The following POLE3 variants were observed in gnomAD, a reference collection of about 807,000 sequenced individuals.
POLE3 encodes DNA polymerase epsilon subunit 3.
A neutral mutation model predicts 16.1 loss-of-function variants in POLE3; 10 were observed. That is an observed-to-expected ratio of 0.62 (90% confidence interval 0.38 to 1.05). The LOEUF (loss-of-function observed/expected upper bound fraction) is 1.05. POLE3 is among the 50% of genes least tolerant of loss of function. The probability of loss-of-function intolerance (pLI) is 0.01; values close to 1 mark genes in which losing one functional copy is unlikely to be tolerated. For missense variants in POLE3, 169 were observed against 185.0 expected (o/e 0.91, Z 0.50); for synonymous variants, 83 against 71.0 (o/e 1.17, Z -0.85).
chr9:113,409,004 G>C, intron 4 of POLE3, 21 bp from the exon 5 acceptor site: 1 of 1,610,044 alleles, frequency 6.2e-7, no homozygotes, highest in Non-Finnish European at 8.5e-7. Flanking sequence ...GGAACAAGGG[G>C]TTAGGAGACA....
At position 113,408,011 on chromosome 9, in the gene POLE3, A is replaced by G. The variant is rs1827975928; in HGVS notation, c.*800T>C. The G allele has an allele frequency of 6.5e-6, 1 of 152,798 alleles. No homozygotes were observed. Among genetic ancestry groups the G allele is most frequent in the Non-Finnish European group, 1.5e-5 (1 of 68,056 alleles). The allele number at this position is 152,798 out of a possible 1,614,324, so 9.5% of individuals were successfully genotyped here. A position where few individuals can be genotyped will look rare whatever the true frequency, so the allele number is the denominator to read the frequency against. On this transcript the variant is annotated 3_prime_UTR_variant, in exon 5 of 5. Transcript: ENST00000374171. ...AAGAAGAGGAAGCCTGGGGTTTTACACCTTCCGGGAGGTGATGACAAATCC... is the reference window on the plus strand; with the variant it reads ...AAGAAGAGGAAGCCTGGGGTTTTACGCCTTCCGGGAGGTGATGACAAATCC...
Position 113,408,727 on chromosome 9 carries a change from C to G in POLE3, c.*84G>C, listed in dbSNP as rs1056326298. The G allele has an allele frequency of 7.7e-6, 9 of 1,162,754 alleles. No individual in the cohort carries two copies. In the African/African-American group the frequency reaches 1.4e-4, roughly 18 times the overall value. The allele number at this position is 1,162,754 out of a possible 1,614,324, so 72.0% of individuals were successfully genotyped here. ...GCACTTTTGCCTGAGACTACTCTGC[C>G]CAGCATGGAAAAGCTTCACAGAAAC... On this transcript the variant is annotated 3_prime_UTR_variant, in exon 5 of 5. Coordinates refer to ENST00000374171, the MANE Select transcript of POLE3 (RefSeq NM_017443.5).
In POLE3 at chr9:113,409,750, C is replaced by T. The variant is rs568285835; in HGVS notation, c.153-22G>A. ...AGCACTGAGAGAAGAGAAAGGCTGT[C>T]AGACTCCCTCTTGTTTGTAAGGCGT... On this transcript the variant is annotated intron_variant, in intron 3 of 4. Transcript: ENST00000374171. 2.0e-5 allele frequency: 29 copies of T among 1,462,368 alleles called. No homozygotes were observed. In the East Asian group the frequency reaches 6.1e-4, roughly 31 times the overall value. The allele number at this position is 1,462,368 out of a possible 1,614,324, so 90.6% of individuals were successfully genotyped here. A position where few individuals can be genotyped will look rare whatever the true frequency, so the allele number is the denominator to read the frequency against.
rs1222038133 is a variant in POLE3, at chr9:113,410,417, T to C, written c.-115-9A>G. 1.2e-6 allele frequency: 1 copy of C among 842,352 alleles called. No homozygotes were observed. The highest frequency in any genetic ancestry group is 2.7e-5 in the East Asian group (1 of 37,410). The allele number at this position is 842,352 out of a possible 1,614,324, so 52.2% of individuals were successfully genotyped here. On this transcript the variant is annotated splice_polypyrimidine_tract_variant and intron_variant, in intron 1 of 4. Transcript: ENST00000374171. ...GTTCCGCCCCACGTGGCCTACAGTG[T>C]CCCACAGTGCTCTGAGCGCCATAGC...
chr9:113,408,022 G>A lies in POLE3; in HGVS notation c.*789C>T, dbSNP rs562846124. 1 of 152,744 alleles carries A rather than the reference G, an allele frequency of 6.5e-6. No homozygotes were observed. The highest frequency in any genetic ancestry group is 2.1e-4 in the South Asian group (1 of 4,824). The allele number at this position is 152,744 out of a possible 1,614,324, so 9.5% of individuals were successfully genotyped here. A position where few individuals can be genotyped will look rare whatever the true frequency, so the allele number is the denominator to read the frequency against. ...GCCTGGGGTTTTACACCTTCCGGGA[G>A]GTGATGACAAATCCTAAAGCTGTAC... On this transcript the variant is annotated 3_prime_UTR_variant, in exon 5 of 5. Transcript: ENST00000374171.
rs1247789020 is a variant in POLE3, at chr9:113,410,320, T to A, written c.-27A>T. 9 of 1,606,056 alleles carry A rather than the reference T, an allele frequency of 5.6e-6. No homozygotes were observed. Among genetic ancestry groups the A allele is most frequent in the Non-Finnish European group, 7.7e-6 (9 of 1,175,790 alleles). ...GCCGCCGCTGGGGCTTAAACTCCCC[T>A]TCGCCTCCGCTTCAGGGAGCTACTG... On this transcript the variant is annotated 5_prime_UTR_variant, in exon 2 of 5. It adds an upstream start codon to the 5' untranslated region. Coordinates refer to ENST00000374171, the MANE Select transcript of POLE3 (RefSeq NM_017443.5).
In POLE3 at chr9:113,410,115, T is replaced by G. The variant is rs1354966414; in HGVS notation, c.92A>C (p.Lys31Thr). 6 of 1,594,030 alleles carry G rather than the reference T, an allele frequency of 3.8e-6. No homozygotes were observed. The highest frequency in any genetic ancestry group is 5.1e-6 in the Non-Finnish European group (6 of 1,170,926). Residue 31 changes from lysine to threonine, a missense_variant, in exon 3 of 5, where the codon AAG becomes ACG. Lys to Thr is a moderately conservative substitution (Grantham distance 78). Transcript: ENST00000374171. ...GCGGGAGATGGCGCTCCGGGCCTCC[T>G]TGGAGATGTTGACACCGTCCGGGAG... ...EALPDGVNISKEARSAISRAA... is the reference protein window; with the variant it reads ...EALPDGVNISTEARSAISRAA...
intron 1 of POLE3, 64 bp from the exon 2 acceptor site, chr9:113,410,472 G>T (rs943411597): frequency 1.2e-4 from 73 of 616,762 alleles, no homozygotes; most frequent in African/African-American, 1.1e-3. Flanking sequence ...CCCCGCCTCC[G>T]CCTCAAATAC....
Position 113,408,675 on chromosome 9 carries a change from A to C in POLE3, c.*136T>G, listed in dbSNP as rs1827987651. On this transcript the variant is annotated 3_prime_UTR_variant, in exon 5 of 5. Transcript: ENST00000374171. ...AAGTGCTGGTTTTGACGGTATTTCT[A>C]GTCAGTTTTTATTCTGATCTTTTCA... 1 of 691,402 alleles carries C rather than the reference A, an allele frequency of 1.4e-6. No individual in the cohort carries two copies. The highest frequency in any genetic ancestry group is 1.8e-5 in the African/African-American group (1 of 56,270). The allele number at this position is 691,402 out of a possible 1,614,324, so 42.8% of individuals were successfully genotyped here. A position where few individuals can be genotyped will look rare whatever the true frequency, so the allele number is the denominator to read the frequency against.
rs148850960 is a variant in POLE3, at chr9:113,410,066, G to A, written c.141C>T (p.Tyr47=). ...ISRAASVFVL[Y]ATSCANNFAM... ...TCTGTCCCGCTCACCAGGATGTGGC[G>A]TACAGCACGAAGACGCTGGCGGCGC... is the stretch of plus-strand genomic sequence containing the variant. The change falls in exon 3 of 5, where the codon TAC becomes TAT. Residue 47 remains tyrosine (Y), a synonymous_variant. Transcript: ENST00000374171. 2.6e-6 allele frequency: 4 copies of A among 1,568,106 alleles called. No homozygotes were observed. In the African/African-American group the frequency reaches 4.0e-5, roughly 16 times the overall value.
chr9:113,409,589 A>T, intron 4 of POLE3, 21 bp downstream of exon 4: 2 of 1,391,176 alleles, frequency 1.4e-6, no homozygotes, highest in Non-Finnish European at 2.0e-6. Flanking sequence ...TATGTGGTTT[A>T]GAAGACAAGA....
In POLE3 at chr9:113,407,725, G is replaced by C. The variant is rs560691308; in HGVS notation, c.*1086C>G. On this transcript the variant is annotated 3_prime_UTR_variant, in exon 5 of 5. Coordinates refer to ENST00000374171, the MANE Select transcript of POLE3 (RefSeq NM_017443.5). ...AGACTCCATCTCTTAAAAACAAAAC[G>C]TGAGATTAGAACTAAGGAATCAAGA... The C allele has an allele frequency of 2.6e-5, 4 of 152,300 alleles. No homozygotes were observed. The South Asian group carries it at 8.3e-4, about 32-fold the overall frequency. 9.4% of individuals were successfully genotyped at this position (152,300 alleles called of 1,614,324 possible).
chr9:113,409,604 C>T lies in POLE3; in HGVS notation c.271+6G>A, dbSNP rs1341104587. The T allele has an allele frequency of 2.6e-6, 4 of 1,528,352 alleles. No homozygotes were observed. The highest frequency in any genetic ancestry group is 2.7e-5 in the African/African-American group (2 of 73,308). 94.7% of individuals were successfully genotyped at this position (1,528,352 alleles called of 1,614,324 possible). A position where few individuals can be genotyped will look rare whatever the true frequency, so the allele number is the denominator to read the frequency against. On this transcript the variant is annotated splice_donor_region_variant and intron_variant, in intron 4 of 4. Coordinates refer to ENST00000374171, the MANE Select transcript of POLE3 (RefSeq NM_017443.5). ...TATGTGGTTTAGAAGACAAGAGGCT[C>T]GTTACCTTCCAGAGCTTCTTTCAAT...
chr9:113,409,775 T>A (rs755528650), intron 3 of POLE3, 47 bp from the exon 4 acceptor site: 2 of 1,293,170 alleles, frequency 1.5e-6, no homozygotes, highest in Non-Finnish European at 1.1e-6. Context: ...TTGTAAGGCG[T>A]GAGTGGGAAA....
Position 113,409,633 on chromosome 9 carries a change from G to A in POLE3, c.248C>T (p.Thr83Ile), listed in dbSNP as rs1284905253. Residue 83 changes from threonine to isoleucine, a missense_variant, in exon 4 of 5, where the codon ACC (threonine) becomes ATC (isoleucine). Coordinates refer to ENST00000374171, the MANE Select transcript of POLE3 (RefSeq NM_017443.5). ...MEEMEFQRFV[T>I]PLKEALEAYR... ...ACCTTCCAGAGCTTCTTTCAATGGG[G>A]TAACGAACCGCTGGAACTCCATCTC... 1.9e-6 allele frequency: 3 copies of A among 1,607,612 alleles called. No homozygotes were observed. The highest frequency in any genetic ancestry group is 2.6e-6 in the Non-Finnish European group (3 of 1,174,156).
In POLE3 at chr9:113,408,949, G is replaced by A. The variant is rs1827999373; in HGVS notation, c.306C>T (p.Ala102=). 3.1e-6 allele frequency: 5 copies of A among 1,613,896 alleles called. No homozygotes were observed. Among genetic ancestry groups the A allele is most frequent in the Non-Finnish European group, 4.2e-6 (5 of 1,179,980 alleles). The stretch of plus-strand genomic sequence containing the variant: ...CTTTGTCCTTCTTCTTTTGCTCTGA[G>A]GCCTCCTTCTTGCCTTTCTGCTCCC... The part of the protein sequence containing the change: ...YRREQKGKKE[A]SEQKKKDKDK... Residue 102 remains alanine, a synonymous_variant, in exon 5 of 5, where the codon GCC becomes GCT. Transcript: ENST00000374171.
chr9:113,409,968 A>G (rs2119037217), intron 3 of POLE3, 87 bp downstream of exon 3: 1 of 1,091,390 alleles, frequency 9.2e-7, no homozygotes, highest in South Asian at 1.4e-5. Flanking sequence ...ACCGAGGGAG[A>G]ACACAATCGT....
At chr9:113,410,435 G>C in intron 1 of POLE3, 27 bp from the exon 2 acceptor site, 1 of 706,154 alleles carries the variant, frequency 1.4e-6, no homozygotes, top group Non-Finnish European at 2.4e-6. Context: ...TGCTCTGAGC[G>C]CCATAGCCTC....
chr9:113,409,988 T>C (rs1199789958), intron 3 of POLE3, 67 bp downstream of exon 3: 2 of 1,327,710 alleles, frequency 1.5e-6, no homozygotes, highest in Non-Finnish European at 2.1e-6. Flanking sequence ...TTGGGGTTTG[T>C]AGGCTCCCAG....
Sources: allele counts gnomAD v4.1 joint callset, GRCh38; gene constraint gnomAD v4.1.1; transcripts MANE v1.5; gene names NCBI Gene and HGNC (gene_info 2026-07-23, HGNC 2026-07-21).